The following SGK3 variants were observed in gnomAD, a reference collection of about 807,000 sequenced individuals.
SGK3 encodes serum/glucocorticoid regulated kinase family member 3, also known as serine/threonine-protein kinase Sgk3.
Under a neutral mutation model 68.5 loss-of-function variants are expected in SGK3, and 47 were observed. That is an observed-to-expected ratio of 0.69 (90% CI 0.54 to 0.87). The LOEUF is 0.87. Among genes scored for constraint, SGK3 ranks in the 40% least tolerant of loss-of-function variants. The probability of loss-of-function intolerance (pLI) is 0.00; values close to 1 mark genes in which losing one functional copy is unlikely to be tolerated. For missense variants in SGK3, 479 were observed against 575.5 expected, an observed-to-expected ratio of 0.83 and a Z score of 1.72; for synonymous variants, 181 against 189.1, an observed-to-expected ratio of 0.96 and a Z score of 0.35.
chr8:66,850,971 G>T (rs1481546352), intron 16 of SGK3, 51 bp downstream of exon 16: 2 of 1,521,958 alleles, frequency 1.3e-6, no homozygotes, highest in Non-Finnish European at 1.8e-6. Context: ...CTTAATAGCA[G>T]TTCATTGTAA....
At chr8:66,716,056 T>A (rs1294050081) in intron 1 of SGK3, among the ~76,000 whole-genome samples, 2 of 152,208 alleles carry the variant, frequency 1.3e-5, no homozygotes, top group African/African-American at 4.8e-5. Flanking sequence ...CTGACTAAAC[T>A]GCTGATTCAT....
intron 5 of SGK3, among the ~76,000 whole-genome samples, chr8:66,820,198 A>G (rs1412771979): frequency 6.6e-6 from 1 of 151,988 alleles, no homozygotes; most frequent in Non-Finnish European, 1.5e-5. Flanking sequence ...CATTTTCATC[A>G]CCTTAAAAAG....
intron 1 of SGK3, among the ~76,000 whole-genome samples, chr8:66,729,980 G>A (rs1308720094): frequency 2.0e-5 from 3 of 152,026 alleles, no homozygotes; most frequent in Non-Finnish European, 2.9e-5. Context: ...GACCTCAGGT[G>A]ATCCACCTGC....
chr8:66,810,675 T>G (rs1020747070), intron 4 of SGK3, among the ~76,000 whole-genome samples: 15 of 152,214 alleles, frequency 9.9e-5, no homozygotes, highest in Admixed American at 9.2e-4. Context: ...CACTCCAGCC[T>G]AGGCAACAAG....
chr8:66,815,586 T>C (rs1808543960), intron 5 of SGK3, among the ~76,000 whole-genome samples: 1 of 152,196 alleles, frequency 6.6e-6, no homozygotes, highest in South Asian at 2.1e-4. Context: ...TGGAGATTAC[T>C]TTGAATTGGC....
At chr8:66,772,261 A>G (rs1255509468) in intron 1 of SGK3, among the ~76,000 whole-genome samples, 4 of 147,532 alleles carry the variant, frequency 2.7e-5, no homozygotes, top group Non-Finnish European at 3.0e-5. Context: ...TGTCTGGTTA[A>G]TTTTTTTATA....
At chr8:66,751,363 T>C (rs532604184) in intron 1 of SGK3, among the ~76,000 whole-genome samples, 16 of 152,330 alleles carry the variant, frequency 1.1e-4, no homozygotes, top group East Asian at 9.6e-4. Context: ...TACATATATT[T>C]TCAGAGCTTA....
At chr8:66,799,353 C>T (rs974203307) in intron 3 of SGK3, among the ~76,000 whole-genome samples, 1 of 152,082 alleles carries the variant, frequency 6.6e-6, no homozygotes. Context: ...GCATGATTGC[C>T]CCACTGCACT....
At chr8:66,858,339 G>A (rs190792173) in intron 16 of SGK3, among the ~76,000 whole-genome samples, 176 of 152,022 alleles carry the variant, frequency 1.2e-3, no homozygotes, top group African/African-American at 3.9e-3. Flanking sequence ...GGTGGTGGGC[G>A]CCTGTAGTCC....
At chr8:66,765,750 A>G (rs1806294606) in intron 1 of SGK3, among the ~76,000 whole-genome samples, 1 of 152,146 alleles carries the variant, frequency 6.6e-6, no homozygotes. Flanking sequence ...TTGGCCAGGC[A>G]TGGTGGCTCA....
At chr8:66,794,278 T>G (rs1387246804) in intron 2 of SGK3, among the ~76,000 whole-genome samples, 1 of 152,232 alleles carries the variant, frequency 6.6e-6, no homozygotes, top group Non-Finnish European at 1.5e-5. Flanking sequence ...AAGCCATTTC[T>G]AATTTTATCG....
intron 1 of SGK3, among the ~76,000 whole-genome samples, chr8:66,734,935 G>T (rs1351270738): frequency 1.4e-5 from 2 of 139,610 alleles, no homozygotes; most frequent in African/African-American, 2.9e-5. Flanking sequence ...GCAGAGCAAG[G>T]CTCCATCTCA....
In SGK3 at chr8:66,813,796, G is replaced by A. The variant is rs183567970; in HGVS notation, c.254-57G>A. ...TGTGCTTGTCTATTATATAACTGTT[G>A]ATGATAATTGCATAGTCTGACATAA... On this transcript the variant is annotated intron_variant, in intron 4 of 16. Transcript: ENST00000521198. 4.2e-4 allele frequency: 602 copies of A among 1,420,446 alleles called. 1 individual carries two copies. The highest frequency in any genetic ancestry group is 5.3e-4 in the Non-Finnish European group (563 of 1,069,842). The allele number at this position is 1,420,446 out of a possible 1,614,324, so 88.0% of individuals were successfully genotyped here. A position where few individuals can be genotyped will look rare whatever the true frequency, so the allele number is the denominator to read the frequency against.
At chr8:66,714,936 A>G (rs1175315470) in intron 1 of SGK3, among the ~76,000 whole-genome samples, 1 of 152,212 alleles carries the variant, frequency 6.6e-6, no homozygotes, top group Admixed American at 6.5e-5. Context: ...CATCTGTGGA[A>G]TGAATGACTC....
intron 1 of SGK3, among the ~76,000 whole-genome samples, chr8:66,756,616 G>A (rs1274043204): frequency 9.7e-6 from 1 of 103,354 alleles, no homozygotes; most frequent in Non-Finnish European, 1.8e-5. Flanking sequence ...GTCTCACATT[G>A]TCACTCATGC....
At chr8:66,732,805 A>G (rs1419899000) in intron 1 of SGK3, among the ~76,000 whole-genome samples, 1 of 152,228 alleles carries the variant, frequency 6.6e-6, no homozygotes, top group Non-Finnish European at 1.5e-5. Context: ...AGATGGTGCC[A>G]CTGCACTCCA....
chr8:66,840,423 TAG>T (rs912342486), intron 12 of SGK3, among the ~76,000 whole-genome samples, 176 bp downstream of exon 12: 23 of 152,206 alleles, frequency 1.5e-4, no homozygotes, highest in Admixed American at 1.3e-3. Context: ...TCCAAGGGGA[TAG>T]AGAGTGCAAA....
intron 15 of SGK3, among the ~76,000 whole-genome samples, chr8:66,849,224 A>T (rs911064832): frequency 2.6e-5 from 4 of 152,062 alleles, no homozygotes; most frequent in Admixed American, 2.6e-4. Flanking sequence ...TAAACTCTAG[A>T]CTTACATAGT....
chr8:66,756,569 CTTTTTTT>C (rs34499404), intron 1 of SGK3, among the ~76,000 whole-genome samples: 68 of 77,930 alleles, frequency 8.7e-4, no homozygotes, highest in South Asian at 3.0e-3. Context: ...CATGCATCTA[CTTTTTTT>C]TTTTTTTTTT....
Sources: gnomAD v4.1 joint callset for allele counts (sites outside exome capture counted in the v4.1 genomes callset) on GRCh38, gnomAD v4.1.1 for gene constraint, MANE v1.5 for transcripts, NCBI Gene and HGNC (gene_info 2026-07-23, HGNC 2026-07-21) for gene names.